The following ABCB11 variants were observed in gnomAD, a reference collection of about 807,000 sequenced individuals.
ABCB11 encodes bile salt export pump.
ABCB11 carries 95 observed loss-of-function variants against 148.0 expected under a neutral mutation model. That is an observed-to-expected ratio of 0.64 (90% CI 0.54 to 0.76). The LOEUF (loss-of-function observed/expected upper bound fraction) is 0.76, where lower values mean the gene tolerates loss of function less well. Among genes scored for constraint, ABCB11 ranks in the 30% least tolerant of loss-of-function variants. The probability of loss-of-function intolerance (pLI) is 0.00; values close to 1 mark genes in which losing one functional copy is unlikely to be tolerated. For missense variants in ABCB11, 1,523 were observed against 1,617.8 expected, an observed-to-expected ratio of 0.94 and a Z score of 1.01; for synonymous variants, 591 against 555.4, an observed-to-expected ratio of 1.06 and a Z score of -0.90.
chr2:168,989,902 A>G lies in ABCB11; in HGVS notation c.908+899T>C, dbSNP rs1486579640. Among the ~76,000 whole-genome samples, 4 of 152,050 alleles carry G rather than the reference A, an allele frequency of 2.6e-5. No homozygotes were observed. The East Asian group carries it at 7.7e-4, about 29-fold the overall frequency. ...TTGTCTTTCATTCTGTTAATGTGGT[A>G]TATTACATTTATTGACATGCCTATG... is the stretch of plus-strand genomic sequence containing the variant. On this transcript the variant is annotated intron_variant, in intron 9 of 27. Transcript: ENST00000650372.
In ABCB11 at chr2:168,930,773, C is replaced by T. The variant is rs951533342; in HGVS notation, c.3303G>A (p.Val1101=). 1.7e-5 allele frequency: 27 copies of T among 1,613,672 alleles called. No homozygotes were observed. The highest frequency in any genetic ancestry group is 2.3e-5 in the Non-Finnish European group (27 of 1,179,800). Residue 1101 remains valine (V), a synonymous_variant, in exon 25 of 28, where the codon GTG becomes GTA. Transcript: ENST00000650372. The stretch of plus-strand genomic sequence containing the variant: ...CCAGTGTCTGCCCTGGACTAATCGA[C>T]ACTGAGAGACCATTCAGAACTTGCG... The part of the protein sequence containing the change: ...PDSQVLNGLS[V]SISPGQTLAF...
chr2:168,923,696 C>G lies in ABCB11; in HGVS notation c.3892G>C (p.Gly1298Arg). Residue 1298 changes from glycine to arginine, a missense_variant, in exon 28 of 28, where the codon GGG (glycine) becomes CGG (arginine). Coordinates refer to ENST00000650372, the MANE Select transcript of ABCB11 (RefSeq NM_003742.4). ...TGGGCCATCAGTTCTTCATGGGTCC[C>G]CTTTTCAATCACCACCCCCTGTGCC... is the stretch of plus-strand genomic sequence containing the variant. ...VMAQGVVIEK[G>R]THEELMAQKG... 1 of 1,613,738 alleles carries G rather than the reference C, an allele frequency of 6.2e-7. No individual in the cohort carries two copies. The highest frequency in any genetic ancestry group is 1.1e-5 in the South Asian group (1 of 91,060).
At chr2:168,959,989 C>T (rs1305528260) in intron 18 of ABCB11, among the ~76,000 whole-genome samples, 1 of 147,650 alleles carries the variant, frequency 6.8e-6, no homozygotes. Flanking sequence ...ATTCAGGATG[C>T]TCATGTATTC....
At chr2:168,939,942 G>T (rs554091474) in intron 21 of ABCB11, among the ~76,000 whole-genome samples, 1 of 151,964 alleles carries the variant, frequency 6.6e-6, no homozygotes, top group South Asian at 2.1e-4. Flanking sequence ...CATCGTTTTA[G>T]AGCACCACGA....
In ABCB11 at chr2:169,016,161, G is replaced by A. The variant is rs372260119; in HGVS notation, c.98+617C>T. Among the ~76,000 whole-genome samples the A allele has an allele frequency of 5.3e-5, 8 of 152,084 alleles. No individual in the cohort carries two copies. In the East Asian group the frequency reaches 7.7e-4, roughly 15 times the overall value. ...CAATAAGAAACGTGTGGCTCTCAGA[G>A]GCCCAGGCTGACCTGACCACTCCCA... On this transcript the variant is annotated intron_variant, in intron 3 of 27. Transcript: ENST00000650372.
At position 168,958,393 on chromosome 2, in the gene ABCB11, T is replaced by C. The variant is rs555789739; in HGVS notation, c.2179-265A>G. ...ATTTCATGATTACATGTGTATTAAC[T>C]CTCAGAGAGTAATAAATATGTTGGA... On this transcript the variant is annotated intron_variant, in intron 18 of 27. Transcript: ENST00000650372. 2.0e-5 allele frequency among the ~76,000 whole-genome samples: 3 copies of C among 151,714 alleles called. No individual in the cohort carries two copies. The South Asian group carries it at 6.2e-4, about 31-fold the overall frequency.
chr2:168,945,795 T>C (rs1041919824), intron 19 of ABCB11, among the ~76,000 whole-genome samples: 1 of 151,868 alleles, frequency 6.6e-6, no homozygotes, highest in Admixed American at 6.6e-5. Context: ...CTCAGGTAAT[T>C]TGCCGGTTAA....
At chr2:169,014,589 C>A (rs570465001) in intron 3 of ABCB11, among the ~76,000 whole-genome samples, 1 of 152,214 alleles carries the variant, frequency 6.6e-6, no homozygotes, top group African/African-American at 2.4e-5. Flanking sequence ...GAGATGAACA[C>A]CTGAGAGGTA....
chr2:169,002,430 C>G (rs903205514), intron 5 of ABCB11, among the ~76,000 whole-genome samples: 3 of 152,082 alleles, frequency 2.0e-5, no homozygotes, highest in Non-Finnish European at 4.4e-5. Context: ...GCTATATAAC[C>G]TAGCAATCCT....
chr2:169,018,994 C>T (rs796695584), intron 1 of ABCB11, among the ~76,000 whole-genome samples: 41 of 151,768 alleles, frequency 2.7e-4, no homozygotes, highest in Non-Finnish European at 3.8e-4. Context: ...GTTTAGCTGG[C>T]GAGAGGACTG....
chr2:168,923,356 A>G lies in ABCB11; in HGVS notation c.*266T>C. ...ACAGAGAAGCACTGAGTGGTGGCTG[A>G]GCTGCCACTTGACATTGGGTTTTCC... On this transcript the variant is annotated 3_prime_UTR_variant, in exon 28 of 28. Coordinates refer to ENST00000650372, the MANE Select transcript of ABCB11 (RefSeq NM_003742.4). 1 of 539,092 alleles carries G rather than the reference A, an allele frequency of 1.9e-6. No individual in the cohort carries two copies. The highest frequency in any genetic ancestry group is 3.3e-6 in the Non-Finnish European group (1 of 302,068). 33.4% of individuals were successfully genotyped at this position (539,092 alleles called of 1,614,324 possible).
chr2:168,998,414 T>C (rs760231788), intron 5 of ABCB11, among the ~76,000 whole-genome samples: 8 of 152,114 alleles, frequency 5.3e-5, no homozygotes, highest in East Asian at 1.9e-4. Flanking sequence ...CAATAATACA[T>C]TGACTATTTC....
At chr2:168,933,384 A>G in intron 23 of ABCB11, among the ~76,000 whole-genome samples, 1 of 152,202 alleles carries the variant, frequency 6.6e-6, no homozygotes, top group Non-Finnish European at 1.5e-5. Flanking sequence ...AACTATAGTC[A>G]ACATGTACTT....
At chr2:168,994,391 G>A (rs1197384076) in intron 7 of ABCB11, among the ~76,000 whole-genome samples, 1 of 152,092 alleles carries the variant, frequency 6.6e-6, no homozygotes, top group Non-Finnish European at 1.5e-5. Context: ...GCAGTATAGA[G>A]TAGTGGTGAA....
chr2:168,983,503 A>C (rs1042022613), intron 10 of ABCB11, among the ~76,000 whole-genome samples: 3 of 152,194 alleles, frequency 2.0e-5, no homozygotes, highest in Non-Finnish European at 4.4e-5. Context: ...AAGTTTACAA[A>C]ACACATTAAC....
rs1691087353 is a variant in ABCB11, at chr2:168,921,878, T to TC, written c.*1743dup. Among the ~76,000 whole-genome samples, 1 of 150,306 alleles carries TC rather than the reference T, an allele frequency of 6.7e-6. No homozygotes were observed. Among genetic ancestry groups the TC allele is most frequent in the Non-Finnish European group, 1.5e-5 (1 of 67,614 alleles). On this transcript the variant is annotated 3_prime_UTR_variant, in exon 28 of 28. Coordinates refer to ENST00000650372, the MANE Select transcript of ABCB11 (RefSeq NM_003742.4). Reference sequence around the variant, plus strand: ...TTTTCTTTTTCTTTTTTTTTTTTTTTCGCTCTGTCGCCCAGGCTGGAGTGC... The same window carrying TC: ...TTTTCTTTTTCTTTTTTTTTTTTTTTCCGCTCTGTCGCCCAGGCTGGAGTGC...
chr2:168,935,164 C>T lies in ABCB11; in HGVS notation c.3056+20G>A, dbSNP rs1691758075. ...TCCTTGTGTGTTGATCTTTTCTCAC[C>T]TTGGCTAGATATTCCTCACCTGAAC... On this transcript the variant is annotated intron_variant, in intron 23 of 27. Coordinates refer to ENST00000650372, the MANE Select transcript of ABCB11 (RefSeq NM_003742.4). 2.5e-6 allele frequency: 4 copies of T among 1,612,676 alleles called. No individual in the cohort carries two copies. Among genetic ancestry groups the T allele is most frequent in the South Asian group, 1.1e-5 (1 of 90,950 alleles).
At chr2:168,992,230 C>T (rs73020752) in intron 8 of ABCB11, among the ~76,000 whole-genome samples, 4,590 of 151,824 alleles carry the variant, frequency 0.03, 109 homozygotes, top group African/African-American at 0.063. Context: ...AAATCAGTGA[C>T]GAGTTTATGA....
chr2:168,950,176 GATAT>G (rs1442434798), intron 19 of ABCB11, among the ~76,000 whole-genome samples: 2 of 143,846 alleles, frequency 1.4e-5, no homozygotes, highest in Non-Finnish European at 3.0e-5. Context: ...CACAAAATAG[GATAT>G]ATATCCTATA....
Sources: gnomAD v4.1 joint callset for allele counts (sites outside exome capture counted in the v4.1 genomes callset) on GRCh38, gnomAD v4.1.1 for gene constraint, MANE v1.5 for transcripts, NCBI Gene and HGNC (gene_info 2026-07-23, HGNC 2026-07-21) for gene names.